Variants in MID1 observed in about 807,000 individuals in gnomAD.
The protein encoded by MID1 is midline 1.
MID1 carries 7 observed loss-of-function variants against 40.4 expected under a neutral mutation model. The observed-to-expected ratio is 0.17, with a 90% CI of 0.10 to 0.33. The LOEUF (loss-of-function observed/expected upper bound fraction) is 0.33, where lower values mean the gene tolerates loss of function less well. MID1 is among the 10% of genes least tolerant of loss of function. The probability of loss-of-function intolerance (pLI) is 1.00; values close to 1 mark genes in which losing one functional copy is unlikely to be tolerated. For missense variants in MID1, 367 were observed against 558.5 expected (o/e 0.66, Z 3.46); for synonymous variants, 229 against 221.2 (o/e 1.04, Z -0.31).
chrX:10,684,095 T>C (rs1298861867), intron 1 of MID1, among the ~76,000 whole-genome samples: 1 of 110,706 alleles, frequency 9.0e-6, no homozygotes, highest in Non-Finnish European at 1.9e-5. Context: ...AAAAAGATTT[T>C]GTTTCGTTTT....
intron 1 of MID1, among the ~76,000 whole-genome samples, chrX:10,585,066 C>T (rs1428812284): frequency 1.8e-5 from 2 of 110,939 alleles, no homozygotes; most frequent in South Asian, 3.9e-4. Context: ...ACAATGTCTT[C>T]CTATAATCTA....
At chrX:10,637,891 G>A (rs1032214168) in intron 1 of MID1, among the ~76,000 whole-genome samples, 28 of 111,756 alleles carry the variant, frequency 2.5e-4, no homozygotes, top group African/African-American at 9.1e-4. Context: ...GAGGCTGGGG[G>A]AAAGGCATGC....
intron 3 of MID1, among the ~76,000 whole-genome samples, chrX:10,515,625 G>A (rs112066475): frequency 2.7e-3 from 300 of 112,547 alleles, no homozygotes; most frequent in Non-Finnish European, 4.8e-3. Flanking sequence ...ACTTTGAAGT[G>A]ATGTTGGATT....
chrX:10,542,693 T>A (rs966131230), intron 2 of MID1, among the ~76,000 whole-genome samples: 1 of 111,994 alleles, frequency 8.9e-6, no homozygotes, highest in Non-Finnish European at 1.9e-5. Flanking sequence ...TGTGCTAATC[T>A]TAGTGTCTTC....
chrX:10,771,376 A>C (rs2043767492), intron 1 of MID1, among the ~76,000 whole-genome samples: 1 of 111,934 alleles, frequency 8.9e-6, no homozygotes, highest in South Asian at 3.7e-4. Flanking sequence ...AACTTCTCAT[A>C]TGGAAAACTA....
intron 1 of MID1, among the ~76,000 whole-genome samples, chrX:10,690,198 G>A (rs1470324322): frequency 9.0e-6 from 1 of 111,685 alleles, no homozygotes; most frequent in Non-Finnish European, 1.9e-5. Flanking sequence ...AGGTCAACAC[G>A]ATTTGCAACT....
intron 1 of MID1, among the ~76,000 whole-genome samples, chrX:10,601,735 A>C (rs1316673380): frequency 1.8e-5 from 2 of 110,827 alleles, no homozygotes; most frequent in Admixed American, 1.9e-4. Flanking sequence ...ATACATACAC[A>C]CACACGTACG....
chrX:10,647,419 T>A (rs1033268073), intron 1 of MID1, among the ~76,000 whole-genome samples: 3 of 111,688 alleles, frequency 2.7e-5, no homozygotes, highest in African/African-American at 9.8e-5. Flanking sequence ...ACATATGAGG[T>A]TGAGAAGGGT....
At chrX:10,822,377 C>G (rs1311811126) in intron 1 of MID1, among the ~76,000 whole-genome samples, 1 of 111,934 alleles carries the variant, frequency 8.9e-6, no homozygotes, top group Non-Finnish European at 1.9e-5. Context: ...AATCCCAAAA[C>G]TATAAAAACT....
At chrX:10,823,545 A>G (rs2044192980) in intron 1 of MID1, among the ~76,000 whole-genome samples, 1 of 111,811 alleles carries the variant, frequency 8.9e-6, no homozygotes, top group Non-Finnish European at 1.9e-5. Flanking sequence ...AACTTCAAAA[A>G]AAGTAAAAAA....
At chrX:10,798,009 C>G (rs1602583951) in intron 1 of MID1, among the ~76,000 whole-genome samples, 1 of 112,278 alleles carries the variant, frequency 8.9e-6, no homozygotes, top group East Asian at 2.8e-4. Flanking sequence ...GCTGCAAACT[C>G]AGCTGCTGCT....
At chrX:10,738,080 C>T (rs1464796201) in intron 1 of MID1, among the ~76,000 whole-genome samples, 3 of 111,315 alleles carry the variant, frequency 2.7e-5, no homozygotes, top group Admixed American at 9.5e-5. Context: ...CTGGTCCTCT[C>T]GAGAAATGCA....
At chrX:10,504,618 A>C (rs1931732712) in intron 3 of MID1, among the ~76,000 whole-genome samples, 1 of 111,698 alleles carries the variant, frequency 9.0e-6, no homozygotes, top group African/African-American at 3.2e-5. Context: ...TGGAAGCTAT[A>C]ACATGAGGCT....
At chrX:10,657,030 C>T (rs754981035) in intron 1 of MID1, among the ~76,000 whole-genome samples, 5 of 111,189 alleles carry the variant, frequency 4.5e-5, no homozygotes, top group Non-Finnish European at 9.4e-5. Context: ...GCCAGCTTTG[C>T]TTGCATATGG....
chrX:10,558,876 G>A (rs1365270596), intron 2 of MID1, among the ~76,000 whole-genome samples: 2 of 112,474 alleles, frequency 1.8e-5, no homozygotes, highest in African/African-American at 3.2e-5. Context: ...ATGTGTACTT[G>A]TTTGTGCATT....
chrX:10,460,219 G>A (rs41311811), intron 7 of MID1, among the ~76,000 whole-genome samples: 15 of 111,754 alleles, frequency 1.3e-4, no homozygotes, highest in South Asian at 3.8e-4. Flanking sequence ...GAGAAAATAT[G>A]CCTAGGATAC....
chrX:10,695,084 A>G (rs150779114), intron 1 of MID1, among the ~76,000 whole-genome samples: 2,156 of 111,811 alleles, frequency 0.019, 50 homozygotes, highest in African/African-American at 0.066. Context: ...AACTTCCCCA[A>G]TTACTCCTGT....
chrX:10,506,821 CT>C (rs1569074516), intron 3 of MID1, among the ~76,000 whole-genome samples: 1 of 112,068 alleles, frequency 8.9e-6, no homozygotes, highest in African/African-American at 3.2e-5. Flanking sequence ...TCGGACAGTG[CT>C]TTCTGTACTG....
chrX:10,590,980 G>C (rs1294942442), intron 1 of MID1, among the ~76,000 whole-genome samples: 1 of 111,229 alleles, frequency 9.0e-6, no homozygotes, highest in Non-Finnish European at 1.9e-5. Context: ...TTAAGTGTGA[G>C]TTTCATCCTG....
Sources: allele counts gnomAD v4.1 joint callset (sites outside exome capture counted in the v4.1 genomes callset), GRCh38; gene constraint gnomAD v4.1.1; transcripts MANE v1.5; gene names NCBI Gene and HGNC (gene_info 2026-07-23, HGNC 2026-07-21).